Variants in HTR1F observed in about 807,000 individuals in gnomAD.
HTR1F encodes the protein 5-hydroxytryptamine receptor 1F, also known as 5-hydroxytryptamine (serotonin) receptor 1F, G protein-coupled.
Under a neutral mutation model 24.0 loss-of-function variants are expected in HTR1F, and 17 were observed. That is an observed-to-expected ratio of 0.71 (90% CI 0.48 to 1.06). The LOEUF is 1.06. Among genes scored for constraint, HTR1F ranks in the 50% least tolerant of loss-of-function variants. The pLI is 0.00. For synonymous variants in HTR1F, 186 were observed against 156.8 expected, an observed-to-expected ratio of 1.19 and a Z score of -1.39; for missense variants, 391 against 427.8, an observed-to-expected ratio of 0.91 and a Z score of 0.76.
chr3:87,795,062 A>G (rs1559585636), intron 1 of HTR1F, among the ~76,000 whole-genome samples: 1 of 132,730 alleles, frequency 7.5e-6, no homozygotes, highest in Non-Finnish European at 1.5e-5. Context: ...ATCTCGGCTC[A>G]CTGCAACCTC....
intron 2 of HTR1F, among the ~76,000 whole-genome samples, chr3:87,871,007 C>A (rs2932282): frequency 3.4e-5 from 5 of 148,328 alleles, no homozygotes; most frequent in Non-Finnish European, 4.5e-5. Context: ...AAAAAAATCA[C>A]GTGAAGAAAC....
At chr3:87,946,529 C>T (rs764377714) in intron 2 of HTR1F, among the ~76,000 whole-genome samples, 15 of 129,390 alleles carry the variant, frequency 1.2e-4, no homozygotes, top group South Asian at 2.3e-4. Flanking sequence ...AAATCAAATG[C>T]TTATCTACAC....
At chr3:87,876,084 T>TA (rs1047859959) in intron 2 of HTR1F, among the ~76,000 whole-genome samples, 56 of 152,180 alleles carry the variant, frequency 3.7e-4, no homozygotes, top group African/African-American at 1.3e-3. Flanking sequence ...GTCCACTACT[T>TA]AAAAAAACAC....
intron 2 of HTR1F, among the ~76,000 whole-genome samples, chr3:87,873,984 T>A (rs1422426531): frequency 1.3e-5 from 2 of 152,044 alleles, no homozygotes; most frequent in Non-Finnish European, 2.9e-5. Context: ...CTCAATATAA[T>A]AAAAGCCATA....
At chr3:87,795,684 C>A (rs367887014) in intron 1 of HTR1F, among the ~76,000 whole-genome samples, 15 of 152,184 alleles carry the variant, frequency 9.9e-5, no homozygotes, top group African/African-American at 3.1e-4. Flanking sequence ...CCTTACTTTT[C>A]CATTCCCTCA....
chr3:87,961,013 C>A lies in HTR1F; in HGVS notation c.-42-29695C>A, dbSNP rs1232188785. Among the ~76,000 whole-genome samples, 6 of 152,090 alleles carry A rather than the reference C, an allele frequency of 3.9e-5. No individual in the cohort carries two copies. In the East Asian group the frequency reaches 1.2e-3, roughly 29 times the overall value. ...ACTTGGTATGGTGCACACACACACACACACACACATACACACAAACTTTCT... is the reference window on the plus strand; with the variant it reads ...ACTTGGTATGGTGCACACACACACAAACACACACATACACACAAACTTTCT... On this transcript the variant is annotated intron_variant, in intron 2 of 2. Transcript: ENST00000319595.
intron 2 of HTR1F, among the ~76,000 whole-genome samples, chr3:87,931,026 C>CTTTTTTTTTT (rs34617109): frequency 3.0e-5 from 4 of 131,818 alleles, no homozygotes; most frequent in East Asian, 4.6e-4. Flanking sequence ...ATAGTCTTTC[C>CTTTTTTTTTT]TTTTTTTTTT....
At position 87,892,357 on chromosome 3, in the gene HTR1F, C is replaced by T. The variant is rs1244787519; in HGVS notation, c.-43+70233C>T. Among the ~76,000 whole-genome samples, 3 of 152,056 alleles carry T rather than the reference C, an allele frequency of 2.0e-5. 1 individual carries two copies. Among genetic ancestry groups the T allele is most frequent in the Non-Finnish European group, 4.4e-5 (3 of 67,990 alleles). On this transcript the variant is annotated intron_variant, in intron 2 of 2. Transcript: ENST00000319595. ...TAAAGCCTCTATCTCTTTCATTTAA[C>T]ATTTTTATTTCCATTGATTATTAAA...
chr3:87,951,741 C>CAT (rs992726785), intron 2 of HTR1F, among the ~76,000 whole-genome samples: 13 of 152,004 alleles, frequency 8.6e-5, no homozygotes, highest in Admixed American at 4.6e-4. Flanking sequence ...TAGTTATATG[C>CAT]ATATATATAT....
intron 1 of HTR1F, among the ~76,000 whole-genome samples, chr3:87,804,806 T>A (rs536305213): frequency 1.2e-4 from 18 of 152,264 alleles, no homozygotes; most frequent in Middle Eastern, 3.4e-3. Context: ...TTCAACTTTT[T>A]TACTTTGGTT....
intron 2 of HTR1F, among the ~76,000 whole-genome samples, chr3:87,890,928 G>C (rs1436636896): frequency 6.7e-6 from 1 of 149,954 alleles, no homozygotes; most frequent in Non-Finnish European, 1.5e-5. Flanking sequence ...TGCAACCTGT[G>C]CCTCCCGGGT....
At chr3:87,886,622 T>C (rs547476059) in intron 2 of HTR1F, among the ~76,000 whole-genome samples, 4 of 152,170 alleles carry the variant, frequency 2.6e-5, no homozygotes, top group Non-Finnish European at 5.9e-5. Context: ...CTCCTTAACC[T>C]GATAAGCAAC....
chr3:87,954,011 G>T (rs62267057), intron 2 of HTR1F, among the ~76,000 whole-genome samples: 15,127 of 151,750 alleles, frequency 0.1, 1,029 homozygotes, highest in Non-Finnish European at 0.15. Flanking sequence ...AGAATAGAAT[G>T]ATAGTTACCA....
intron 2 of HTR1F, among the ~76,000 whole-genome samples, chr3:87,905,634 T>C (rs1703650168): frequency 6.6e-6 from 1 of 152,130 alleles, no homozygotes; most frequent in South Asian, 2.1e-4. Context: ...TTCTAAAGAA[T>C]GTTATTACAA....
chr3:87,983,069 T>C (rs1052788059), intron 2 of HTR1F, among the ~76,000 whole-genome samples: 5 of 152,078 alleles, frequency 3.3e-5, no homozygotes, highest in Admixed American at 1.3e-4. Flanking sequence ...ACAGACAAAC[T>C]AACGGGAACA....
chr3:87,975,717 T>C (rs1036280589), intron 2 of HTR1F, among the ~76,000 whole-genome samples: 1 of 152,212 alleles, frequency 6.6e-6, no homozygotes, highest in Non-Finnish European at 1.5e-5. Context: ...ACTAAACAAG[T>C]CTCAGCCAAT....
At chr3:87,962,212 AG>A (rs1484470370) in intron 2 of HTR1F, among the ~76,000 whole-genome samples, 2 of 152,132 alleles carry the variant, frequency 1.3e-5, no homozygotes, top group Non-Finnish European at 2.9e-5. Context: ...AATTCAGAAT[AG>A]CTGATTTGGC....
At chr3:87,960,703 A>T (rs1416960622) in intron 2 of HTR1F, among the ~76,000 whole-genome samples, 1 of 151,980 alleles carries the variant, frequency 6.6e-6, no homozygotes, top group East Asian at 1.9e-4. Context: ...CACAACAAAG[A>T]TTAGTTCCAA....
At chr3:87,893,509 C>T (rs1706128753) in intron 2 of HTR1F, among the ~76,000 whole-genome samples, 2 of 152,118 alleles carry the variant, frequency 1.3e-5, no homozygotes, top group Non-Finnish European at 2.9e-5. Flanking sequence ...CTATTTGATA[C>T]TTTATTTCAA....
Sources: allele counts gnomAD v4.1 joint callset (sites outside exome capture counted in the v4.1 genomes callset), GRCh38; gene constraint gnomAD v4.1.1; transcripts MANE v1.5; gene names NCBI Gene and HGNC (gene_info 2026-07-23, HGNC 2026-07-21).